The following CELF6 variants were observed in gnomAD, a reference collection of about 807,000 sequenced individuals.
The protein encoded by CELF6 is Bruno -like 6, RNA binding protein.
Under a neutral mutation model 53.1 loss-of-function variants are expected in CELF6, and 32 were observed. The observed-to-expected ratio is 0.60, with a 90% CI of 0.46 to 0.81. CELF6 has a LOEUF of 0.81. Ranked by LOEUF, CELF6 falls within the 30% of genes least tolerant of loss-of-function variation. CELF6 has a pLI of 0.00. For missense variants in CELF6, 539 were observed against 669.5 expected (o/e 0.81, Z 2.15); for synonymous variants, 291 against 288.8 (o/e 1.01, Z -0.08).
chr15:72,292,189 A>C, intron 3 of CELF6: 1 of 1,533,450 alleles, frequency 6.5e-7, no homozygotes, highest in South Asian at 1.2e-5. Flanking sequence ...GCCCTTTGAA[A>C]TTACTGACCT....
chr15:72,319,618 T>G lies in CELF6; in HGVS notation c.257A>C (p.His86Pro). 1 of 1,553,132 alleles carries G rather than the reference T, an allele frequency of 6.4e-7. No individual in the cohort carries two copies. The highest frequency in any genetic ancestry group is 8.7e-7 in the Non-Finnish European group (1 of 1,147,380). Residue 86 changes from histidine to proline, a missense_variant, in exon 1 of 13, where the codon CAC becomes CCC. Around this residue, in one of 3 missense-constraint regions of CELF6, gnomAD observed 97 missense variants for 168.8 expected, o/e 0.57. Coordinates refer to ENST00000287202, the MANE Select transcript of CELF6 (RefSeq NM_052840.5). The surrounding 1 kb of genome is among the most constrained non-coding windows in gnomAD (Gnocchi z 5.0). ...GCTGGGCTGACCCCGCGCACCTTTGTGGAGGCCGGTGAGCCGGTCCTTCAG... is the reference window on the plus strand; with the variant it reads ...GCTGGGCTGACCCCGCGCACCTTTGGGGAGGCCGGTGAGCCGGTCCTTCAG... ...TVLKDRLTGL[H>P]KGCAFLTYCA...
chr15:72,313,022 C>A (rs1403795992), intron 2 of CELF6, among the ~76,000 whole-genome samples: 1 of 152,184 alleles, frequency 6.6e-6, no homozygotes, highest in Non-Finnish European at 1.5e-5. Context: ...TAAAGCCAAT[C>A]CTGACAGTAT....
At chr15:72,311,726 T>C (rs1185829164) in intron 2 of CELF6, among the ~76,000 whole-genome samples, 3 of 152,176 alleles carry the variant, frequency 2.0e-5, no homozygotes, top group Non-Finnish European at 4.4e-5. Context: ...TTAAGAAGCA[T>C]CTTGAGGGCA....
At chr15:72,294,192 C>T (rs143158195) in intron 3 of CELF6, among the ~76,000 whole-genome samples, 13 of 152,308 alleles carry the variant, frequency 8.5e-5, no homozygotes, top group Non-Finnish European at 1.6e-4. Context: ...AAGGAAGGAG[C>T]GTCTGCCTCA....
chr15:72,314,595 T>TTTTTTTTTTTTTTTG (rs2088338750), intron 2 of CELF6, among the ~76,000 whole-genome samples: 1 of 142,700 alleles, frequency 7.0e-6, no homozygotes, highest in African/African-American at 2.8e-5. Flanking sequence ...CAGTGTTTTT[T>TTTTTTTTTTTTTTTG]TTTTTTTTTT....
rs902451055 is a variant in CELF6, at chr15:72,285,516, G to A, written c.*855C>T. 1 of 152,276 alleles carries A rather than the reference G, an allele frequency of 6.6e-6. No individual in the cohort carries two copies. Among genetic ancestry groups the A allele is most frequent in the African/African-American group, 2.4e-5 (1 of 41,470 alleles). 9.4% of individuals were successfully genotyped at this position (152,276 alleles called of 1,614,324 possible). On this transcript the variant is annotated 3_prime_UTR_variant, in exon 13 of 13. Transcript: ENST00000287202. Reference sequence around the variant, plus strand: ...GGCAGGGCCTCTGTCTACCTGGATTGGCAAGGGAAAGGCTCAGGTGGCCAG... The same window carrying A: ...GGCAGGGCCTCTGTCTACCTGGATTAGCAAGGGAAAGGCTCAGGTGGCCAG...
At chr15:72,317,616 G>A (rs529627654) in intron 1 of CELF6, among the ~76,000 whole-genome samples, 1 of 152,306 alleles carries the variant, frequency 6.6e-6, no homozygotes, top group East Asian at 1.9e-4. Flanking sequence ...AGGAAAATGA[G>A]TCACTGTTTC....
rs530758283 is a variant in CELF6, at chr15:72,293,463, G to A, written c.395-3208C>T. On this transcript the variant is annotated intron_variant, in intron 3 of 12. Coordinates refer to ENST00000287202, the MANE Select transcript of CELF6 (RefSeq NM_052840.5). The stretch of plus-strand genomic sequence containing the variant: ...TCTATCATTTGGATAAAAAGCGGAC[G>A]CTACAAGAGGCAAGTCAGAAATGTC... 3.3e-5 allele frequency among the ~76,000 whole-genome samples: 5 copies of A among 152,254 alleles called. No homozygotes were observed. The South Asian group carries it at 8.3e-4, about 25-fold the overall frequency.
In CELF6 at chr15:72,289,101, C is replaced by G; in HGVS notation, c.1030+37G>C. On this transcript the variant is annotated intron_variant, in intron 8 of 12. Transcript: ENST00000287202. This position sits in a 1 kb window ranked among gnomAD's most constrained non-coding sequence, Gnocchi z 7.6. ...AACCCCCCACCCCCCGCTCCCCACT[C>G]CATTTCGGGGGGATTTGGGCGGAGC... 5 of 1,462,536 alleles carry G rather than the reference C, an allele frequency of 3.4e-6. No individual in the cohort carries two copies. Among genetic ancestry groups the G allele is most frequent in the Non-Finnish European group, 4.5e-6 (5 of 1,099,386 alleles). 90.6% of individuals were successfully genotyped at this position (1,462,536 alleles called of 1,614,324 possible).
At chr15:72,287,770 C>CT (rs1278144534) in intron 11 of CELF6, among the ~76,000 whole-genome samples, 4 of 151,984 alleles carry the variant, frequency 2.6e-5, no homozygotes, top group African/African-American at 7.3e-5. Context: ...CTCCAAAGCT[C>CT]TGACCTAGCT....
intron 2 of CELF6, chr15:72,306,304 A>AGGG: frequency 1.0e-6 from 1 of 985,252 alleles, no homozygotes; most frequent in Non-Finnish European, 1.2e-6. Context: ...TCATGGAGGA[A>AGGG]GGGGTACTGA....
At position 72,319,710 on chromosome 15, in the gene CELF6, C is replaced by T. The variant is rs1469356215; in HGVS notation, c.165G>A (p.Arg55=). The part of the protein sequence containing the change: ...AIKLFVGQIP[R]GLDEQDLKPL... Reference sequence around the variant, plus strand: ...GCTTGAGGTCCTGCTCGTCCAAGCCCCGCGGGATCTGCCCCACGAAGAGCT... The same window carrying T: ...GCTTGAGGTCCTGCTCGTCCAAGCCTCGCGGGATCTGCCCCACGAAGAGCT... Residue 55 remains arginine (R), a synonymous_variant, in exon 1 of 13, where the codon CGG becomes CGA. Coordinates refer to ENST00000287202, the MANE Select transcript of CELF6 (RefSeq NM_052840.5). The surrounding 1 kb of genome is among the most constrained non-coding windows in gnomAD (Gnocchi z 5.0). 1.3e-6 allele frequency: 2 copies of T among 1,597,626 alleles called. No homozygotes were observed. The highest frequency in any genetic ancestry group is 1.7e-6 in the Non-Finnish European group (2 of 1,172,214).
At chr15:72,306,028 A>T in intron 2 of CELF6, 1 of 956,480 alleles carries the variant, frequency 1.0e-6, no homozygotes, top group Non-Finnish European at 1.2e-6. Context: ...TGAGGCTCTT[A>T]AGTTGGGGTA....
chr15:72,308,436 A>T (rs1738806482), intron 2 of CELF6, among the ~76,000 whole-genome samples: 1 of 151,948 alleles, frequency 6.6e-6, no homozygotes, highest in Non-Finnish European at 1.5e-5. Flanking sequence ...CATGTTGGTC[A>T]GGTTGGTCTT....
rs1225034242 is a variant in CELF6, at chr15:72,319,843, G to A, written c.32C>T (p.Pro11Leu). MAAAPGGSAQ[P>L]AGPGPRLGFS... ...ACCCAGGCGCGGGCCGGGGCCAGCG[G>A]GCTGCGCTGACCCTCCCGGCGCCGC... is the stretch of plus-strand genomic sequence containing the variant. The change falls in exon 1 of 13, where the codon CCC becomes CTC. Residue 11 changes from proline (P) to leucine (L), a missense_variant. This residue lies in a region of CELF6 where 84 missense variants were observed against 87.9 expected (regional missense o/e 0.96). Coordinates refer to ENST00000287202, the MANE Select transcript of CELF6 (RefSeq NM_052840.5). The surrounding 1 kb of genome is among the most constrained non-coding windows in gnomAD (Gnocchi z 5.0). The A allele has an allele frequency of 1.3e-6, 2 of 1,543,408 alleles. No homozygotes were observed. The highest frequency in any genetic ancestry group is 1.2e-5 in the South Asian group (1 of 83,574).
rs941314373 is a variant in CELF6, at chr15:72,288,117, C to T, written c.1318+191G>A. Among the ~76,000 whole-genome samples, 1 of 152,204 alleles carries T rather than the reference C, an allele frequency of 6.6e-6. No individual in the cohort carries two copies. The highest frequency in any genetic ancestry group is 2.4e-5 in the African/African-American group (1 of 41,460). On this transcript the variant is annotated intron_variant, in intron 11 of 12. Coordinates refer to ENST00000287202, the MANE Select transcript of CELF6 (RefSeq NM_052840.5). This position sits in a 1 kb window ranked among gnomAD's most constrained non-coding sequence, Gnocchi z 4.6. ...CCTCCCAAAGTGCTAGGATTACAGG[C>T]GTGAGCCACCATGCCCGGCCAAGGC...
In CELF6 at chr15:72,320,022, A is replaced by G. The variant is rs1595789063; in HGVS notation, c.-148T>C. ...TGCCCAGGGGGCGGGGTCCGGGTGG[A>G]GGGGCGTAGAGGGGGTGGGGCGGGC... On this transcript the variant is annotated 5_prime_UTR_variant, in exon 1 of 13. Coordinates refer to ENST00000287202, the MANE Select transcript of CELF6 (RefSeq NM_052840.5). 1 of 159,374 alleles carries G rather than the reference A, an allele frequency of 6.3e-6. No individual in the cohort carries two copies. Among genetic ancestry groups the G allele is most frequent in the Non-Finnish European group, 1.3e-5 (1 of 78,328 alleles). 9.9% of individuals were successfully genotyped at this position (159,374 alleles called of 1,614,324 possible).
chr15:72,292,256 G>T, intron 3 of CELF6: 1 of 1,534,732 alleles, frequency 6.5e-7, no homozygotes. Flanking sequence ...AGATCATCCT[G>T]TTCAGGAGCC....
intron 11 of CELF6, 61 bp from the exon 12 acceptor site, chr15:72,287,453 C>T: frequency 1.3e-6 from 2 of 1,595,834 alleles, no homozygotes; most frequent in Non-Finnish European, 1.7e-6. Flanking sequence ...TCCTTTCTCT[C>T]TGACCAGCCC....
Sources: allele counts gnomAD v4.1 joint callset (sites outside exome capture counted in the v4.1 genomes callset), GRCh38; gene constraint gnomAD v4.1.1; regional missense constraint gnomAD v4.1.1; non-coding constraint Gnocchi (gnomAD v3.1); transcripts MANE v1.5; gene names NCBI Gene and HGNC (gene_info 2026-07-23, HGNC 2026-07-21).